LYRM9: variants seen among roughly 807,000 people sequenced by gnomAD.
LYRM9 encodes LYR motif containing 9.
In LYRM9, 14 loss-of-function variants were observed where a neutral mutation model predicts 12.6. That is an observed-to-expected ratio of 1.11 (90% CI 0.73 to 1.73). The LOEUF (loss-of-function observed/expected upper bound fraction) is 1.73, where lower values mean the gene tolerates loss of function less well. LYRM9 is among the 40% of genes most tolerant of loss of function. The pLI, the probability that LYRM9 is intolerant of heterozygous loss-of-function variation, is 0.00. For missense variants in LYRM9, 94 were observed against 95.0 expected (o/e 0.99, Z 0.04); for synonymous variants, 42 against 35.1 (o/e 1.20, Z -0.69).
intron 3 of LYRM9, chr17:27,879,978 A>G: frequency 1.6e-6 from 1 of 635,876 alleles, no homozygotes; most frequent in African/African-American, 1.8e-5. Context: ...CGGCTCTGGC[A>G]CTATAGCTTT....
At chr17:27,884,576 C>T (rs1045418674) in intron 1 of LYRM9, among the ~76,000 whole-genome samples, 1 of 152,240 alleles carries the variant, frequency 6.6e-6, no homozygotes, top group Non-Finnish European at 1.5e-5. Context: ...CACGGTCCCT[C>T]TCTGGAGACA....
chr17:27,880,254 C>T lies in LYRM9; in HGVS notation c.219+20G>A. On this transcript the variant is annotated intron_variant, in intron 3 of 3. Coordinates refer to ENST00000379102, the MANE Select transcript of LYRM9 (RefSeq NM_001076680.3). ...TCATCACCCCAGCTCGCAGGCAGAG[C>T]CCAGGGGCCAAGCACCTACTTTGTT... 6.3e-7 allele frequency: 1 copy of T among 1,581,890 alleles called. No homozygotes were observed. Among genetic ancestry groups the T allele is most frequent in the Non-Finnish European group, 8.6e-7 (1 of 1,158,276 alleles).
chr17:27,879,978 A>T (rs1401260112), intron 3 of LYRM9: 11 of 635,760 alleles, frequency 1.7e-5, no homozygotes, highest in Non-Finnish European at 2.8e-6. Context: ...CGGCTCTGGC[A>T]CTATAGCTTT....
intron 1 of LYRM9, chr17:27,883,042 G>A (rs1905117993): frequency 2.1e-6 from 1 of 483,134 alleles, no homozygotes; most frequent in South Asian, 1.5e-5. Context: ...AGACCCTGAG[G>A]GGCAATCACT....
At chr17:27,887,713 GGTGTGTGTGTGTGTGTGT>G (rs59760752) in intron 1 of LYRM9, among the ~76,000 whole-genome samples, 10 of 86,730 alleles carry the variant, frequency 1.2e-4, no homozygotes, top group Non-Finnish European at 2.2e-4. Flanking sequence ...TAGGAGGGAG[GGTGTGTGTGTGTGTGTGT>G]GTGTGTGTGT....
chr17:27,882,188 G>T (rs1407055293), intron 2 of LYRM9, among the ~76,000 whole-genome samples: 1 of 152,144 alleles, frequency 6.6e-6, no homozygotes, highest in Non-Finnish European at 1.5e-5. Flanking sequence ...TGACATTTTT[G>T]ATGAGTACAG....
At chr17:27,880,522 G>A (rs1246076945) in intron 2 of LYRM9, 156 bp from the exon 3 acceptor site, 9 of 609,658 alleles carry the variant, frequency 1.5e-5, no homozygotes, top group Non-Finnish European at 2.6e-5. Flanking sequence ...ACACAGAGAT[G>A]AGGAAACAGA....
intron 3 of LYRM9, chr17:27,879,905 C>G (rs879627618): frequency 4.7e-5 from 28 of 591,996 alleles, no homozygotes; most frequent in Non-Finnish European, 6.3e-5. Context: ...GTGAATACCC[C>G]CCAGAGACAG....
rs1166649067 is a variant in LYRM9 at position 27,879,810 on chromosome 17, G to C, written c.220-320C>G. On this transcript the variant is annotated intron_variant, in intron 3 of 3. Coordinates refer to ENST00000379102, the MANE Select transcript of LYRM9 (RefSeq NM_001076680.3). ...GGTCCTTCTAATACCAGCATCTAAG[G>C]GCCAAGACGCCAGTCTACATTCCTG... 1.1e-5 allele frequency: 6 copies of C among 544,176 alleles called. No individual in the cohort carries two copies. The African/African-American group carries it at 1.1e-4, about 10-fold the overall frequency. 33.7% of individuals were successfully genotyped at this position (544,176 alleles called of 1,614,324 possible).
chr17:27,888,744 T>TA (rs1317613351), intron 1 of LYRM9, among the ~76,000 whole-genome samples: 3 of 152,184 alleles, frequency 2.0e-5, no homozygotes, highest in Admixed American at 1.3e-4. Context: ...ATTTTCCTAA[T>TA]AAAAAATCGC....
rs1455812214 is a variant in LYRM9, at chr17:27,882,730, T to A, written c.-18-18A>T. 3 of 1,566,372 alleles carry A rather than the reference T, an allele frequency of 1.9e-6. No homozygotes were observed. The African/African-American group carries it at 4.1e-5, about 21-fold the overall frequency. ...CTCTGTCCCTGGAAAACAAGCAGGA[T>A]CACTTCCAGGGCATCAAGCCAAGTT... On this transcript the variant is annotated intron_variant, in intron 1 of 3. Coordinates refer to ENST00000379102, the MANE Select transcript of LYRM9 (RefSeq NM_001076680.3).
At chr17:27,892,914 G>A (rs1435863674) in intron 1 of LYRM9, 1 of 152,962 alleles carries the variant, frequency 6.5e-6, no homozygotes, top group African/African-American at 2.4e-5. Context: ...AAATCATCAC[G>A]ACAAGGTTGC....
intron 2 of LYRM9, chr17:27,880,615 CA>C (rs2142580471): frequency 1.8e-6 from 1 of 544,058 alleles, no homozygotes; most frequent in East Asian, 3.1e-5. Flanking sequence ...AAGGTAGGTG[CA>C]AAAAGACTGG....
rs1905221902 is a variant in LYRM9, at chr17:27,886,025, G to A, written c.-18-3313C>T. 6.6e-6 allele frequency among the ~76,000 whole-genome samples: 1 copy of A among 151,962 alleles called. No homozygotes were observed. ...GAAATCAGAGGGGAACCCGTTCAAG[G>A]GTGGCCAAGACCATCAGGAGCAACC... is the stretch of plus-strand genomic sequence containing the variant. On this transcript the variant is annotated intron_variant, in intron 1 of 3. Transcript: ENST00000379102. The surrounding 1 kb of genome is among the most constrained non-coding windows in gnomAD (Gnocchi z 4.8).
intron 1 of LYRM9, 81 bp from the exon 2 acceptor site, chr17:27,882,793 G>T: frequency 6.9e-7 from 1 of 1,443,148 alleles, no homozygotes; most frequent in Non-Finnish European, 9.3e-7. Context: ...CAGTACTCTG[G>T]GAAGCAAGCT....
In LYRM9 at chr17:27,890,456, G is replaced by A. The variant is rs749158568; in HGVS notation, c.-19+2861C>T. 3.2e-4 allele frequency among the ~76,000 whole-genome samples: 49 copies of A among 152,082 alleles called. 1 individual carries two copies. The highest frequency in any genetic ancestry group is 1.3e-4 in the Non-Finnish European group (9 of 68,006). On this transcript the variant is annotated intron_variant, in intron 1 of 3. Coordinates refer to ENST00000379102, the MANE Select transcript of LYRM9 (RefSeq NM_001076680.3). ...CATCAATTACACAGATAAAGGAAAG[G>A]AGCAACTAAAGAAATGCTTAACAAC... is the stretch of plus-strand genomic sequence containing the variant.
intron 1 of LYRM9, 195 bp downstream of exon 1, chr17:27,893,122 G>C (rs978212313): frequency 1.3e-5 from 2 of 152,286 alleles, no homozygotes; most frequent in African/African-American, 2.4e-5. Flanking sequence ...CCGCGCTCCG[G>C]TGCACTCAGC....
At chr17:27,885,394 C>G (rs1292574692) in intron 1 of LYRM9, among the ~76,000 whole-genome samples, 4 of 152,018 alleles carry the variant, frequency 2.6e-5, no homozygotes. Flanking sequence ...AGAGCTGAGA[C>G]CCTGAGAAAA....
chr17:27,880,292 A>G lies in LYRM9; in HGVS notation c.201T>C (p.Ala67=). 6.2e-7 allele frequency: 1 copy of G among 1,609,516 alleles called. No homozygotes were observed. The highest frequency in any genetic ancestry group is 8.5e-7 in the Non-Finnish European group (1 of 1,177,752). ...QQIIKRAIED[A]DWIMNKYKKQ... is the part of the protein sequence containing the mutation. ...CACCTACTTTGTTCATGATCCAGTCAGCATCTTCAATGGCTCTTTTAATAA... is the reference window on the plus strand; with the variant it reads ...CACCTACTTTGTTCATGATCCAGTCGGCATCTTCAATGGCTCTTTTAATAA... Residue 67 remains alanine, a synonymous_variant, in exon 3 of 4, where the codon GCT becomes GCC. Transcript: ENST00000379102.
Sources: allele counts gnomAD v4.1 joint callset (sites outside exome capture counted in the v4.1 genomes callset), GRCh38; gene constraint gnomAD v4.1.1; non-coding constraint Gnocchi (gnomAD v3.1); transcripts MANE v1.5; gene names NCBI Gene and HGNC (gene_info 2026-07-23, HGNC 2026-07-21).